SLIT3: variants seen among roughly 807,000 people sequenced by gnomAD.
The protein encoded by SLIT3 is slit guidance ligand 3.
A neutral mutation model predicts 184.0 loss-of-function variants in SLIT3; 68 were observed. The observed-to-expected ratio is 0.37, with a 90% CI of 0.30 to 0.45. The LOEUF (loss-of-function observed/expected upper bound fraction) is 0.45. Among genes scored for constraint, SLIT3 ranks in the 20% least tolerant of loss-of-function variants. The pLI is 1.00. For missense variants in SLIT3, 1,707 were observed against 2,026.0 expected, an observed-to-expected ratio of 0.84 and a Z score of 3.02; for synonymous variants, 831 against 828.6, an observed-to-expected ratio of 1.00 and a Z score of -0.05.
At position 168,671,184 on chromosome 5, in the gene SLIT3, C is replaced by G; in HGVS notation, c.4127+14G>C. 6.2e-7 allele frequency: 1 copy of G among 1,600,110 alleles called. No individual in the cohort carries two copies. Among genetic ancestry groups the G allele is most frequent in the Non-Finnish European group, 8.5e-7 (1 of 1,170,668 alleles). ...GGAGCTCGAGCACACAGCCAGGGCT[C>G]CTGGGACACTGACCTGTGGCCGAGG... On this transcript the variant is annotated intron_variant, in intron 34 of 35. Coordinates refer to ENST00000519560, the MANE Select transcript of SLIT3 (RefSeq NM_003062.4).
At chr5:169,062,141 G>A (rs1329182465) in intron 4 of SLIT3, among the ~76,000 whole-genome samples, 1 of 152,140 alleles carries the variant, frequency 6.6e-6, no homozygotes, top group Non-Finnish European at 1.5e-5. Context: ...CCGAGATCAC[G>A]CCACTGCACT....
chr5:169,217,106 G>A (rs1048441205), intron 3 of SLIT3, among the ~76,000 whole-genome samples: 20 of 142,068 alleles, frequency 1.4e-4, no homozygotes, highest in Non-Finnish European at 2.1e-4. Flanking sequence ...GTGACAACTC[G>A]TTTGGACAAG....
At chr5:169,264,774 C>T (rs553683509) in intron 1 of SLIT3, among the ~76,000 whole-genome samples, 6 of 152,342 alleles carry the variant, frequency 3.9e-5, no homozygotes, top group South Asian at 4.1e-4. Context: ...GATTTTTGCA[C>T]TTCGTTCTCA....
rs558311792 is a variant in SLIT3, at chr5:168,680,229, G to A, written c.3686+3737C>T. On this transcript the variant is annotated intron_variant, in intron 32 of 35. Coordinates refer to ENST00000519560, the MANE Select transcript of SLIT3 (RefSeq NM_003062.4). ...TGTGGCCATTTGGCCTTGCTGGCATGTGAGTCTGGCCTTCTCACAAGTCTC... is the reference window on the plus strand; with the variant it reads ...TGTGGCCATTTGGCCTTGCTGGCATATGAGTCTGGCCTTCTCACAAGTCTC... 1.2e-3 allele frequency among the ~76,000 whole-genome samples: 185 copies of A among 152,364 alleles called. 5 individuals are homozygous for A. In the South Asian group the frequency reaches 0.036, roughly 30 times the overall value.
intron 9 of SLIT3, among the ~76,000 whole-genome samples, chr5:168,800,415 T>C (rs1303367762): frequency 6.6e-6 from 1 of 152,124 alleles, no homozygotes; most frequent in Non-Finnish European, 1.5e-5. Flanking sequence ...GTGAAACCCA[T>C]CTCTACTAAA....
At chr5:168,859,899 C>G (rs1759039627) in intron 5 of SLIT3, among the ~76,000 whole-genome samples, 1 of 152,134 alleles carries the variant, frequency 6.6e-6, no homozygotes, top group African/African-American at 2.4e-5. Flanking sequence ...ATTTTCTGAG[C>G]CCTGATTACC....
chr5:168,761,603 T>C (rs2113503663), intron 15 of SLIT3, among the ~76,000 whole-genome samples: 1 of 152,196 alleles, frequency 6.6e-6, no homozygotes, highest in Non-Finnish European at 1.5e-5. Flanking sequence ...AGAAACTGAG[T>C]CTCAGATCCA....
chr5:169,119,314 C>A (rs900676442), intron 4 of SLIT3, among the ~76,000 whole-genome samples: 1 of 152,142 alleles, frequency 6.6e-6, no homozygotes, highest in Non-Finnish European at 1.5e-5. Flanking sequence ...GGAAGGAGCA[C>A]CCCCTAGAAT....
intron 4 of SLIT3, among the ~76,000 whole-genome samples, chr5:169,042,656 G>C (rs1051963206): frequency 2.6e-5 from 4 of 152,180 alleles, no homozygotes; most frequent in Non-Finnish European, 4.4e-5. Flanking sequence ...CTTTGACTCA[G>C]AGACCTTGGA....
chr5:169,249,044 CAG>C (rs1215305255), intron 2 of SLIT3, among the ~76,000 whole-genome samples: 2 of 151,982 alleles, frequency 1.3e-5, no homozygotes, highest in African/African-American at 4.8e-5. Context: ...AAATAAGAAA[CAG>C]ATATGGGGAA....
intron 3 of SLIT3, among the ~76,000 whole-genome samples, chr5:169,204,822 A>T (rs1764015427): frequency 6.6e-6 from 1 of 152,164 alleles, no homozygotes; most frequent in African/African-American, 2.4e-5. Context: ...GAAAGGTGAG[A>T]CATCGCTGCT....
At chr5:169,292,547 A>G (rs148730005) in intron 1 of SLIT3, among the ~76,000 whole-genome samples, 1,827 of 152,322 alleles carry the variant, frequency 0.012, 19 homozygotes, top group Middle Eastern at 0.024. Flanking sequence ...ACGGGGCAAT[A>G]TATTTATGTA....
chr5:168,724,571 G>C, intron 20 of SLIT3, 87 bp from the exon 21 acceptor site: 1 of 1,055,428 alleles, frequency 9.5e-7, no homozygotes, highest in South Asian at 1.6e-5. Flanking sequence ...GACTTTCCAG[G>C]CTGGATTAGG....
chr5:168,942,631 G>A (rs1762364114), intron 4 of SLIT3, among the ~76,000 whole-genome samples: 1 of 152,118 alleles, frequency 6.6e-6, no homozygotes, highest in South Asian at 2.1e-4. Flanking sequence ...ACTATCCTAC[G>A]AATATATGTA....
intron 4 of SLIT3, among the ~76,000 whole-genome samples, chr5:169,031,030 C>T (rs765757232): frequency 1.3e-5 from 2 of 152,150 alleles, no homozygotes; most frequent in Non-Finnish European, 2.9e-5. Flanking sequence ...TCCTGAATAG[C>T]AACTTAGAAG....
chr5:169,108,332 G>A (rs1401660629), intron 4 of SLIT3, among the ~76,000 whole-genome samples: 2 of 152,194 alleles, frequency 1.3e-5, no homozygotes, highest in African/African-American at 4.8e-5. Context: ...TTTGAGAATG[G>A]ATTTCTGGCA....
At chr5:168,672,816 A>C (rs1761294003) in intron 33 of SLIT3, among the ~76,000 whole-genome samples, 1 of 152,084 alleles carries the variant, frequency 6.6e-6, no homozygotes, top group Non-Finnish European at 1.5e-5. Context: ...AAATTCTTCT[A>C]CATTCATTAA....
chr5:168,932,089 A>T (rs1581221795), intron 4 of SLIT3, among the ~76,000 whole-genome samples: 1 of 151,998 alleles, frequency 6.6e-6, no homozygotes, highest in Non-Finnish European at 1.5e-5. Flanking sequence ...TATCACTAAG[A>T]ACCACAGGCT....
At chr5:168,877,681 G>A (rs1759785119) in intron 5 of SLIT3, among the ~76,000 whole-genome samples, 1 of 152,146 alleles carries the variant, frequency 6.6e-6, no homozygotes, top group African/African-American at 2.4e-5. Flanking sequence ...ACTAACTAGA[G>A]AACACAAAGG....
Sources: gnomAD v4.1 joint callset for allele counts (sites outside exome capture counted in the v4.1 genomes callset) on GRCh38, gnomAD v4.1.1 for gene constraint, MANE v1.5 for transcripts, NCBI Gene and HGNC (gene_info 2026-07-23, HGNC 2026-07-21) for gene names.